Variants in DCLK1 observed in about 807,000 individuals in gnomAD.
DCLK1 encodes the protein doublecortin like kinase 1, also known as serine/threonine-protein kinase DCLK1.
Under a neutral mutation model 86.2 loss-of-function variants are expected in DCLK1, and 16 were observed. The observed-to-expected ratio is 0.19, with a 90% CI of 0.13 to 0.28. DCLK1 has a LOEUF of 0.28. Among genes scored for constraint, DCLK1 ranks in the 10% least tolerant of loss-of-function variants. DCLK1 has a pLI of 1.00. For synonymous variants in DCLK1, 369 were observed against 370.5 expected (o/e 1.00, Z 0.05); for missense variants, 590 against 940.2 (o/e 0.63, Z 4.87).
At chr13:36,118,624 C>T (rs1245230690) in intron 2 of DCLK1, among the ~76,000 whole-genome samples, 1 of 151,954 alleles carries the variant, frequency 6.6e-6, no homozygotes, top group Non-Finnish European at 1.5e-5. Flanking sequence ...GAAGAGAAAA[C>T]AAGTTGGAGA....
At chr13:36,068,731 T>C (rs570145759) in intron 3 of DCLK1, among the ~76,000 whole-genome samples, 1 of 152,278 alleles carries the variant, frequency 6.6e-6, no homozygotes, top group African/African-American at 2.4e-5. Context: ...AATAAACTTC[T>C]GGATTGCTTT....
At chr13:35,883,411 C>A (rs1015669520) in intron 4 of DCLK1, among the ~76,000 whole-genome samples, 1 of 152,120 alleles carries the variant, frequency 6.6e-6, no homozygotes, top group Non-Finnish European at 1.5e-5. Context: ...CCCTTGCCTC[C>A]TCTCTCCATG....
intron 16 of DCLK1, among the ~76,000 whole-genome samples, chr13:35,778,051 C>T (rs982848555): frequency 2.0e-5 from 3 of 152,222 alleles, no homozygotes; most frequent in Non-Finnish European, 2.9e-5. Flanking sequence ...ATTCTACGAA[C>T]TTTGTGGCAT....
intron 4 of DCLK1, among the ~76,000 whole-genome samples, chr13:35,941,081 C>T (rs539659570): frequency 6.6e-6 from 1 of 152,202 alleles, no homozygotes; most frequent in Non-Finnish European, 1.5e-5. Context: ...AGAGACCACA[C>T]AGAAAGTAGG....
At chr13:35,855,198 T>A (rs966860816) in intron 5 of DCLK1, among the ~76,000 whole-genome samples, 1 of 152,164 alleles carries the variant, frequency 6.6e-6, no homozygotes, top group Admixed American at 6.5e-5. Context: ...AAAGAAAAAC[T>A]GCTAACAAGT....
chr13:35,918,592 T>C (rs1262606022), intron 4 of DCLK1, among the ~76,000 whole-genome samples: 4 of 152,160 alleles, frequency 2.6e-5, no homozygotes, highest in African/African-American at 4.8e-5. Flanking sequence ...ATGGTCTTTG[T>C]TCGATCATTC....
At chr13:36,128,993 C>A (rs1337823078) in intron 1 of DCLK1, among the ~76,000 whole-genome samples, 1 of 152,194 alleles carries the variant, frequency 6.6e-6, no homozygotes, top group Non-Finnish European at 1.5e-5. Flanking sequence ...CTCACACCAA[C>A]TCACTAAGTT....
In DCLK1 at chr13:35,847,358, C is replaced by T. The variant is rs958284868; in HGVS notation, c.1035+7141G>A. On this transcript the variant is annotated intron_variant, in intron 6 of 16. Coordinates refer to ENST00000360631, the MANE Select transcript of DCLK1 (RefSeq NM_001330071.2). The stretch of plus-strand genomic sequence containing the variant: ...TGTATAATTCCACAAGAGCCAGTAA[C>T]TTATAAGGCTGTATCACAAATACTA... 1.5e-5 allele frequency: 15 copies of T among 984,946 alleles called. No homozygotes were observed. In the African/African-American group the frequency reaches 1.6e-4, roughly 10 times the overall value. The allele number at this position is 984,946 out of a possible 1,614,324, so 61.0% of individuals were successfully genotyped here.
intron 5 of DCLK1, among the ~76,000 whole-genome samples, chr13:35,870,419 C>A (rs1479237106): frequency 6.6e-6 from 1 of 152,134 alleles, no homozygotes; most frequent in Non-Finnish European, 1.5e-5. Context: ...CTAGCCCATG[C>A]TGTTGAGTAA....
intron 4 of DCLK1, among the ~76,000 whole-genome samples, chr13:35,943,368 G>A (rs974063040): frequency 1.3e-5 from 2 of 152,124 alleles, no homozygotes; most frequent in African/African-American, 4.8e-5. Flanking sequence ...AGAACTGTGA[G>A]CCAACACATT....
intron 4 of DCLK1, among the ~76,000 whole-genome samples, chr13:35,924,614 C>T (rs898168171): frequency 6.6e-6 from 1 of 152,154 alleles, no homozygotes; most frequent in African/African-American, 2.4e-5. Flanking sequence ...CGTGCCACTG[C>T]ACTCCAGCCT....
chr13:35,841,543 T>C (rs1045667600), intron 6 of DCLK1, among the ~76,000 whole-genome samples: 5 of 151,376 alleles, frequency 3.3e-5, no homozygotes, highest in African/African-American at 1.2e-4. Context: ...GAAAAAAAAG[T>C]AGGGTTAAGA....
At chr13:35,946,941 A>G (rs1350518921) in intron 4 of DCLK1, among the ~76,000 whole-genome samples, 1 of 152,166 alleles carries the variant, frequency 6.6e-6, no homozygotes, top group Admixed American at 6.5e-5. Context: ...GAAAAAGGGA[A>G]AGCAAACCAC....
At chr13:35,989,321 G>A (rs1441503403) in intron 3 of DCLK1, among the ~76,000 whole-genome samples, 3 of 152,042 alleles carry the variant, frequency 2.0e-5, no homozygotes, top group East Asian at 3.9e-4. Context: ...GCCCAGGCTG[G>A]AGTGCAGTGA....
At chr13:36,114,328 T>G (rs1885709124) in intron 2 of DCLK1, among the ~76,000 whole-genome samples, 1 of 152,234 alleles carries the variant, frequency 6.6e-6, no homozygotes, top group Non-Finnish European at 1.5e-5. Context: ...GAAATATGTG[T>G]TTAATCTGAG....
At chr13:36,045,693 A>T (rs906503248) in intron 3 of DCLK1, among the ~76,000 whole-genome samples, 3 of 151,850 alleles carry the variant, frequency 2.0e-5, no homozygotes, top group Non-Finnish European at 2.9e-5. Context: ...ATCCACTAAA[A>T]ACACAAAGAT....
At chr13:35,928,545 T>C (rs986132463) in intron 4 of DCLK1, among the ~76,000 whole-genome samples, 1 of 152,222 alleles carries the variant, frequency 6.6e-6, no homozygotes, top group Admixed American at 6.5e-5. Context: ...TATTTCATTC[T>C]TCTTCATGGC....
chr13:35,895,622 T>C (rs1873916803), intron 4 of DCLK1, among the ~76,000 whole-genome samples: 1 of 152,156 alleles, frequency 6.6e-6, no homozygotes, highest in South Asian at 2.1e-4. Flanking sequence ...TGTGGGTAGC[T>C]ATCTCTATAA....
chr13:36,039,100 A>G lies in DCLK1; in HGVS notation c.723+72769T>C, dbSNP rs536998103. ...CATTTTGATCTGTCACTGTTGTAGA[A>G]GATGCAGTTTTCAAATTTAAAAGCA... On this transcript the variant is annotated intron_variant, in intron 3 of 16. Coordinates refer to ENST00000360631, the MANE Select transcript of DCLK1 (RefSeq NM_001330071.2). Among the ~76,000 whole-genome samples, 20 of 152,352 alleles carry G rather than the reference A, an allele frequency of 1.3e-4. No individual in the cohort carries two copies. The East Asian group carries it at 2.1e-3, about 16-fold the overall frequency.
Sources: gnomAD v4.1 joint callset for allele counts (sites outside exome capture counted in the v4.1 genomes callset) on GRCh38, gnomAD v4.1.1 for gene constraint, MANE v1.5 for transcripts, NCBI Gene and HGNC (gene_info 2026-07-23, HGNC 2026-07-21) for gene names.